Variants in TOX2 observed in about 807,000 individuals in gnomAD.
TOX2 encodes the protein TOX high mobility group box family member 2, also known as granulosa cell HMG box 1.
A neutral mutation model predicts 47.4 loss-of-function variants in TOX2; 15 were observed. The ratio of observed to expected loss-of-function variants is 0.32; its 90% CI spans 0.21 to 0.49. The LOEUF is 0.49. Ranked by LOEUF, TOX2 falls within the 20% of genes least tolerant of loss-of-function variation. The probability of loss-of-function intolerance (pLI) is 0.99; values close to 1 mark genes in which losing one functional copy is unlikely to be tolerated. For missense variants in TOX2, 622 were observed against 673.1 expected (o/e 0.92, Z 0.84); for synonymous variants, 290 against 296.6 (o/e 0.98, Z 0.23).
intron 3 of TOX2, among the ~76,000 whole-genome samples, chr20:44,050,494 G>A (rs1600784701): frequency 6.6e-6 from 1 of 152,304 alleles, no homozygotes; most frequent in East Asian, 1.9e-4. Flanking sequence ...GTAAGAGTAT[G>A]CAAATAGGTA....
chr20:44,055,850 T>C (rs1313998507), intron 5 of TOX2, among the ~76,000 whole-genome samples: 1 of 152,176 alleles, frequency 6.6e-6, no homozygotes, highest in East Asian at 1.9e-4. Context: ...AGTAGCAGGC[T>C]TGGGGCAGAG....
intron 3 of TOX2, among the ~76,000 whole-genome samples, chr20:44,040,531 G>A (rs1238755452): frequency 1.3e-5 from 2 of 152,178 alleles, no homozygotes; most frequent in African/African-American, 4.8e-5. Flanking sequence ...TTTAGTAGCT[G>A]TGTGATTATG....
chr20:44,039,335 G>C, intron 3 of TOX2: 1 of 1,282,162 alleles, frequency 7.8e-7, no homozygotes, highest in Non-Finnish European at 1.0e-6. Context: ...CAGGAGGAGA[G>C]AGATTGTACA....
chr20:44,046,365 AATAGGAATGG>A (rs71337848), intron 3 of TOX2, among the ~76,000 whole-genome samples: 35 of 152,260 alleles, frequency 2.3e-4, no homozygotes, highest in Non-Finnish European at 4.7e-4. Flanking sequence ...CTGGAAACAC[AATAGGAATGG>A]CAGGCTTTGT....
chr20:44,041,772 T>A (rs1176334486), intron 3 of TOX2, among the ~76,000 whole-genome samples: 1 of 152,224 alleles, frequency 6.6e-6, no homozygotes, highest in African/African-American at 2.4e-5. Flanking sequence ...TTTAATTTTA[T>A]TAAATAGGTC....
intron 1 of TOX2, among the ~76,000 whole-genome samples, chr20:43,926,193 G>T (rs574734669): frequency 1.3e-5 from 2 of 152,248 alleles, no homozygotes; most frequent in South Asian, 4.2e-4. Context: ...TGATGTGGAA[G>T]ATGGACCCTG....
At chr20:43,957,617 G>C (rs540106326) in intron 1 of TOX2, among the ~76,000 whole-genome samples, 18 of 149,676 alleles carry the variant, frequency 1.2e-4, no homozygotes, top group African/African-American at 4.5e-4. Context: ...TTTCTCACAG[G>C]GCTAGAGGTC....
chr20:43,937,328 C>T (rs6130484), intron 1 of TOX2, among the ~76,000 whole-genome samples: 11,056 of 152,078 alleles, frequency 0.073, 833 homozygotes, highest in African/African-American at 0.19. Context: ...CATTTCCGTG[C>T]GATGCAGTCT....
intron 2 of TOX2, among the ~76,000 whole-genome samples, chr20:44,004,350 A>G (rs1197011668): frequency 2.6e-5 from 4 of 152,166 alleles, no homozygotes; most frequent in African/African-American, 9.7e-5. Context: ...TGGGGAGGCA[A>G]TGTAGGGCAG....
At chr20:44,002,439 T>C in intron 2 of TOX2, among the ~76,000 whole-genome samples, 1 of 152,246 alleles carries the variant, frequency 6.6e-6, no homozygotes. Context: ...ACTCACTGTG[T>C]GCTCAACATT....
chr20:43,980,644 A>G, intron 2 of TOX2, among the ~76,000 whole-genome samples: 1 of 152,186 alleles, frequency 6.6e-6, no homozygotes. Context: ...TGTACACACA[A>G]AAATTAAAAA....
chr20:44,028,112 T>A lies in TOX2; in HGVS notation c.411+21320T>A, dbSNP rs144956261. ...CGACTAACAGCTGTGACAAGTTCAATGGAAAAAATAACAGGGTGTCAGGAG... is the reference window on the plus strand; with the variant it reads ...CGACTAACAGCTGTGACAAGTTCAAAGGAAAAAATAACAGGGTGTCAGGAG... On this transcript the variant is annotated intron_variant, in intron 3 of 8. Transcript: ENST00000341197. 5.5e-3 allele frequency among the ~76,000 whole-genome samples: 831 copies of A among 152,200 alleles called. 3 individuals are homozygous for A. The highest frequency in any genetic ancestry group is 0.037 in the Middle Eastern group (11 of 294).
At chr20:43,991,060 G>C (rs981039591) in intron 2 of TOX2, among the ~76,000 whole-genome samples, 3 of 152,146 alleles carry the variant, frequency 2.0e-5, no homozygotes, top group East Asian at 3.8e-4. Context: ...GGCATGAATT[G>C]AATTTGATTT....
intron 3 of TOX2, among the ~76,000 whole-genome samples, chr20:44,048,457 A>G (rs2071454426): frequency 6.9e-6 from 1 of 144,026 alleles, no homozygotes; most frequent in African/African-American, 2.5e-5. Context: ...GGAAACTGAA[A>G]TAGACCTATT....
chr20:43,979,167 G>GA (rs2070130019), intron 2 of TOX2, among the ~76,000 whole-genome samples: 1 of 152,206 alleles, frequency 6.6e-6, no homozygotes, highest in Non-Finnish European at 1.5e-5. Flanking sequence ...CATCCACATG[G>GA]AGATGTTCAA....
At chr20:44,030,546 C>T (rs2071133820) in intron 3 of TOX2, among the ~76,000 whole-genome samples, 1 of 152,218 alleles carries the variant, frequency 6.6e-6, no homozygotes, top group Admixed American at 6.5e-5. Context: ...CTCCCACTAT[C>T]CTTCACTCCT....
At chr20:43,929,269 TC>T (rs2069221347) in intron 1 of TOX2, among the ~76,000 whole-genome samples, 1 of 152,214 alleles carries the variant, frequency 6.6e-6, no homozygotes, top group Non-Finnish European at 1.5e-5. Context: ...AATCACATCT[TC>T]TTAGGTTTCT....
rs1000338436 is a variant in TOX2, at chr20:44,066,827, C to G, written c.1454C>G (p.Pro485Arg). ...TSSGDWDSSY[P>R]SGECGISTCS... ...AGCGGGGACTGGGACAGCAGCTACCCCAGTGGGGAGTGTGGCATCAGCACC... is the reference window on the plus strand; with the variant it reads ...AGCGGGGACTGGGACAGCAGCTACCGCAGTGGGGAGTGTGGCATCAGCACC... Residue 485 changes from proline (P) to arginine (R), a missense_variant, in exon 8 of 9, where the codon CCC becomes CGC. Physicochemically the swap from Pro to Arg is moderately radical, Grantham distance 103. Around this residue, in one of 3 missense-constraint regions of TOX2, gnomAD observed 294 missense variants for 300.0 expected, o/e 0.98. Coordinates refer to ENST00000341197, the MANE Select transcript of TOX2 (RefSeq NM_001098797.2). 3.7e-6 allele frequency: 6 copies of G among 1,614,110 alleles called. No homozygotes were observed. The highest frequency in any genetic ancestry group is 5.1e-6 in the Non-Finnish European group (6 of 1,179,994).
chr20:44,062,367 A>AAAATAAAT (rs200770035), intron 5 of TOX2, among the ~76,000 whole-genome samples: 9,038 of 140,764 alleles, frequency 0.064, 314 homozygotes, highest in East Asian at 0.11. Context: ...CTTTAACTGC[A>AAAATAAAT]AAATAAATAA....
Sources: allele counts gnomAD v4.1 joint callset (sites outside exome capture counted in the v4.1 genomes callset), GRCh38; gene constraint gnomAD v4.1.1; regional missense constraint gnomAD v4.1.1; transcripts MANE v1.5; gene names NCBI Gene and HGNC (gene_info 2026-07-23, HGNC 2026-07-21).